CDK14: variants seen among roughly 807,000 people sequenced by gnomAD.
CDK14 encodes the protein cyclin dependent kinase 14.
CDK14 carries 34 observed loss-of-function variants against 60.7 expected under a neutral mutation model. That is an observed-to-expected ratio of 0.56 (90% CI 0.43 to 0.75). CDK14 has a LOEUF of 0.75. Ranked by LOEUF, CDK14 falls within the 30% of genes least tolerant of loss-of-function variation. The pLI is 0.00. For synonymous variants in CDK14, 197 were observed against 203.7 expected, an observed-to-expected ratio of 0.97 and a Z score of 0.28; for missense variants, 482 against 564.1, an observed-to-expected ratio of 0.85 and a Z score of 1.47.
chr7:90,814,568 G>T (rs1789272791), intron 5 of CDK14, among the ~76,000 whole-genome samples: 1 of 152,114 alleles, frequency 6.6e-6, no homozygotes. Context: ...AGATCGCTGA[G>T]GTCAGGAGTT....
intron 7 of CDK14, among the ~76,000 whole-genome samples, chr7:90,908,369 G>T (rs900149744): frequency 6.6e-6 from 1 of 151,840 alleles, no homozygotes; most frequent in Non-Finnish European, 1.5e-5. Context: ...AAGAATTAAG[G>T]CCAGCTAATT....
intron 5 of CDK14, among the ~76,000 whole-genome samples, chr7:90,809,954 G>T (rs1292852602): frequency 1.3e-5 from 2 of 152,106 alleles, no homozygotes; most frequent in South Asian, 2.1e-4. Context: ...CCAATAACAG[G>T]CTCTGAAGTT....
At chr7:90,862,020 A>G (rs1313675804) in intron 5 of CDK14, among the ~76,000 whole-genome samples, 1 of 152,196 alleles carries the variant, frequency 6.6e-6, no homozygotes, top group Non-Finnish European at 1.5e-5. Flanking sequence ...TTTAGTTAGA[A>G]GTACAAAAGC....
At chr7:90,990,505 C>G (rs1484579539) in intron 10 of CDK14, among the ~76,000 whole-genome samples, 2 of 152,150 alleles carry the variant, frequency 1.3e-5, no homozygotes, top group African/African-American at 4.8e-5. Flanking sequence ...CAAGCTTCAT[C>G]TATAGGCATA....
At chr7:90,877,351 T>TA (rs1562809022) in intron 6 of CDK14, among the ~76,000 whole-genome samples, 1 of 152,212 alleles carries the variant, frequency 6.6e-6, no homozygotes, top group Non-Finnish European at 1.5e-5. Flanking sequence ...TTCTCACTGG[T>TA]ATATTCAAGC....
chr7:90,602,502 G>T (rs1799337415), intron 1 of CDK14, among the ~76,000 whole-genome samples: 1 of 152,218 alleles, frequency 6.6e-6, no homozygotes, highest in Non-Finnish European at 1.5e-5. Flanking sequence ...TGGGTTGAGG[G>T]AGTAGACAGT....
At chr7:90,640,818 C>G (rs566900507) in intron 2 of CDK14, among the ~76,000 whole-genome samples, 1 of 151,662 alleles carries the variant, frequency 6.6e-6, no homozygotes, top group African/African-American at 2.4e-5. Context: ...TAAATGTATC[C>G]AGAGAAATAA....
intron 10 of CDK14, among the ~76,000 whole-genome samples, chr7:91,038,766 G>A (rs543154938): frequency 8.6e-5 from 13 of 152,020 alleles, no homozygotes; most frequent in Non-Finnish European, 1.5e-4. Context: ...AATATTTCTC[G>A]TAATAGTGAA....
chr7:90,977,428 G>A (rs939890420), intron 9 of CDK14, among the ~76,000 whole-genome samples: 2 of 151,436 alleles, frequency 1.3e-5, no homozygotes, highest in African/African-American at 2.4e-5. Flanking sequence ...TGCGGGGAAA[G>A]AGGAATTAGG....
chr7:91,116,811 TG>T (rs1013106058), intron 13 of CDK14, among the ~76,000 whole-genome samples: 2 of 151,924 alleles, frequency 1.3e-5, no homozygotes, highest in African/African-American at 2.4e-5. Flanking sequence ...ATTCTCTCAT[TG>T]CTTTCCTTTA....
rs566870491 is a variant in CDK14, at chr7:90,949,489, A to C, written c.827-6208A>C. On this transcript the variant is annotated intron_variant, in intron 8 of 14. Coordinates refer to ENST00000380050, the MANE Select transcript of CDK14 (RefSeq NM_001287135.2). Reference sequence around the variant, plus strand: ...AGTGCTGGGATTACAGGCATGAGCCACTGCGCCCGGCCAAATGAAATATAT... The same window carrying C: ...AGTGCTGGGATTACAGGCATGAGCCCCTGCGCCCGGCCAAATGAAATATAT... 8.6e-4 allele frequency among the ~76,000 whole-genome samples: 131 copies of C among 152,276 alleles called. 3 individuals carry two copies. The South Asian group carries it at 0.025, about 29-fold the overall frequency.
chr7:90,676,939 A>T (rs1321005932), intron 2 of CDK14, among the ~76,000 whole-genome samples: 2 of 132,412 alleles, frequency 1.5e-5, no homozygotes, highest in South Asian at 5.0e-4. Flanking sequence ...ATTCAGTTGT[A>T]TATCAAGTTT....
chr7:90,635,604 C>G (rs1800124923), intron 2 of CDK14, among the ~76,000 whole-genome samples: 1 of 152,104 alleles, frequency 6.6e-6, no homozygotes, highest in Non-Finnish European at 1.5e-5. Context: ...TTAGGATTGA[C>G]TTGGCAATGC....
At chr7:90,803,356 AAT>A (rs1345608272) in intron 5 of CDK14, among the ~76,000 whole-genome samples, 2 of 152,186 alleles carry the variant, frequency 1.3e-5, no homozygotes, top group Admixed American at 6.6e-5. Flanking sequence ...AAGGCACCCA[AAT>A]ATTTAAGGCA....
rs1036387169 is a variant in CDK14, at chr7:91,210,232, A to C, written c.*3096A>C. The C allele has an allele frequency of 2.0e-5, 3 of 152,636 alleles. No homozygotes were observed. Among genetic ancestry groups the C allele is most frequent in the Admixed American group, 6.5e-5 (1 of 15,288 alleles). The allele number at this position is 152,636 out of a possible 1,614,324, so 9.5% of individuals were successfully genotyped here. On this transcript the variant is annotated 3_prime_UTR_variant, in exon 15 of 15. Coordinates refer to ENST00000380050, the MANE Select transcript of CDK14 (RefSeq NM_001287135.2). The stretch of plus-strand genomic sequence containing the variant: ...CACCAAAAAAATCAATAAAATAAGC[A>C]ATCTTCTATTCTCATTCCTTTTCCC...
At chr7:91,014,403 C>G (rs3808291) in intron 10 of CDK14, among the ~76,000 whole-genome samples, 22,738 of 152,086 alleles carry the variant, frequency 0.15, 1,965 homozygotes, top group Middle Eastern at 0.31. Context: ...TTTGATATTA[C>G]TTTGTGAACT....
intron 12 of CDK14, among the ~76,000 whole-genome samples, chr7:91,095,929 T>C (rs572601300): frequency 6.6e-6 from 1 of 151,952 alleles, no homozygotes; most frequent in African/African-American, 2.4e-5. Flanking sequence ...AGTTTCTGCT[T>C]AGGGTGATGA....
At chr7:90,911,494 G>T (rs1191988648) in intron 7 of CDK14, among the ~76,000 whole-genome samples, 10 of 152,098 alleles carry the variant, frequency 6.6e-5, no homozygotes, top group Admixed American at 6.6e-4. Flanking sequence ...TTAATCTTCT[G>T]AAAGCCCTGA....
intron 6 of CDK14, among the ~76,000 whole-genome samples, chr7:90,864,299 A>G (rs1170509743): frequency 1.3e-5 from 2 of 152,170 alleles, no homozygotes; most frequent in Non-Finnish European, 2.9e-5. Context: ...GCTAGAGCTG[A>G]GCAGTTGCAT....
Sources: allele counts gnomAD v4.1 joint callset (sites outside exome capture counted in the v4.1 genomes callset), GRCh38; gene constraint gnomAD v4.1.1; transcripts MANE v1.5; gene names NCBI Gene and HGNC (gene_info 2026-07-23, HGNC 2026-07-21).